The following MAP3K21 variants were observed in gnomAD, a reference collection of about 807,000 sequenced individuals.
MAP3K21 encodes the protein mitogen-activated protein kinase kinase kinase MLK4.
MAP3K21 carries 63 observed loss-of-function variants against 86.1 expected under a neutral mutation model. The ratio of observed to expected loss-of-function variants is 0.73; its 90% CI spans 0.60 to 0.90. MAP3K21 has a LOEUF of 0.90. Ranked by LOEUF, MAP3K21 falls within the 40% of genes least tolerant of loss-of-function variation. MAP3K21 has a pLI of 0.00. For synonymous variants in MAP3K21, 558 were observed against 564.8 expected (o/e 0.99, Z 0.17); for missense variants, 1,220 against 1,367.7 (o/e 0.89, Z 1.70).
chr1:233,338,420 A>T (rs928193791), intron 1 of MAP3K21, among the ~76,000 whole-genome samples: 13 of 152,234 alleles, frequency 8.5e-5, no homozygotes, highest in African/African-American at 3.1e-4. Context: ...AGTGAGTGAG[A>T]CAGACATTAA....
At chr1:233,351,769 T>A (rs992639564) in intron 2 of MAP3K21, among the ~76,000 whole-genome samples, 4 of 152,132 alleles carry the variant, frequency 2.6e-5, no homozygotes, top group Non-Finnish European at 4.4e-5. Context: ...TTTCACATTT[T>A]AAAAAAAGTT....
At chr1:233,381,623 T>C (rs115018711) in intron 9 of MAP3K21, among the ~76,000 whole-genome samples, 7,663 of 152,208 alleles carry the variant, frequency 0.05, 584 homozygotes, top group African/African-American at 0.17. Context: ...TAAATTGGTT[T>C]ATTATCTTTC....
intron 2 of MAP3K21, among the ~76,000 whole-genome samples, chr1:233,348,229 A>T (rs570819011): frequency 3.2e-4 from 49 of 152,302 alleles, no homozygotes; most frequent in African/African-American, 1.2e-3. Context: ...ATTTTATGTC[A>T]GTGGAATCTT....
intron 3 of MAP3K21, 48 bp from the exon 4 acceptor site, chr1:233,354,788 C>G (rs755287894): frequency 6.6e-7 from 1 of 1,521,698 alleles, no homozygotes; most frequent in South Asian, 1.1e-5. Flanking sequence ...CTTAGCAACT[C>G]TAAACTGCGT....
intron 5 of MAP3K21, among the ~76,000 whole-genome samples, chr1:233,364,289 G>A (rs1190635228): frequency 6.6e-6 from 1 of 152,120 alleles, no homozygotes; most frequent in African/African-American, 2.4e-5. Context: ...ATTTATTTAT[G>A]ATGAGGCTTC....
chr1:233,381,293 T>C (rs1386710355), intron 9 of MAP3K21, among the ~76,000 whole-genome samples: 1 of 152,192 alleles, frequency 6.6e-6, no homozygotes, highest in Non-Finnish European at 1.5e-5. Flanking sequence ...ACAATATACA[T>C]ACCTAATACT....
intron 5 of MAP3K21, among the ~76,000 whole-genome samples, chr1:233,362,971 T>A (rs1663493967): frequency 6.6e-6 from 1 of 152,146 alleles, no homozygotes; most frequent in Non-Finnish European, 1.5e-5. Context: ...TCAAAATATA[T>A]CGATCAATAT....
intron 1 of MAP3K21, among the ~76,000 whole-genome samples, chr1:233,344,358 G>A (rs1157570911): frequency 6.6e-6 from 1 of 152,126 alleles, no homozygotes; most frequent in East Asian, 1.9e-4. Flanking sequence ...AACCAAAACA[G>A]CATGGTACTG....
intron 1 of MAP3K21, 22 bp from the exon 2 acceptor site, chr1:233,346,420 C>G (rs1194722638): frequency 2.5e-5 from 39 of 1,559,654 alleles, no homozygotes; most frequent in Non-Finnish European, 3.4e-5. Flanking sequence ...ATGCAAATGT[C>G]TCACTTTTGA....
chr1:233,376,512 T>A lies in MAP3K21; in HGVS notation c.1909T>A (p.Phe637Ile), dbSNP rs1162776349. The A allele has an allele frequency of 2.5e-6, 4 of 1,612,204 alleles. No individual in the cohort carries two copies. Among genetic ancestry groups the A allele is most frequent in the Non-Finnish European group, 3.4e-6 (4 of 1,178,658 alleles). ...GAAAACCATGCCCTTGGCTTCATTG[T>A]TTGTGGACCAGCCAGGTAAATGTGT... ...NQKTMPLASL[F>I]VDQPGSCEEP... Residue 637 changes from phenylalanine (F) to isoleucine (I), a missense_variant, in exon 8 of 10, where the codon TTT becomes ATT. Physicochemically the swap from Phe to Ile is conservative, Grantham distance 21. Coordinates refer to ENST00000366624, the MANE Select transcript of MAP3K21 (RefSeq NM_032435.3).
chr1:233,328,705 C>T lies in MAP3K21; in HGVS notation c.677C>T (p.Pro226Leu), dbSNP rs1215015571. ...NAAPDPRAPG[P>L]RRARRIPPHV... ...GCCCCGGACCCGCGCGCGCCCGGCCCCCGCCGCGCGCGCCGCATCCCTCCG... is the reference window on the plus strand; with the variant it reads ...GCCCCGGACCCGCGCGCGCCCGGCCTCCGCCGCGCGCGCCGCATCCCTCCG... The change falls in exon 1 of 10, where the codon CCC (proline) becomes CTC (leucine). Residue 226 changes from proline to leucine, a missense_variant. Physicochemically the swap from Pro to Leu is moderately conservative, Grantham distance 98. Transcript: ENST00000366624. This position sits in a 1 kb window ranked among gnomAD's most constrained non-coding sequence, Gnocchi z 8.7. 15 of 1,383,356 alleles carry T rather than the reference C, an allele frequency of 1.1e-5. No homozygotes were observed. Among genetic ancestry groups the T allele is most frequent in the South Asian group, 3.4e-5 (2 of 58,068 alleles). The allele number at this position is 1,383,356 out of a possible 1,614,324, so 85.7% of individuals were successfully genotyped here.
chr1:233,334,352 A>G (rs1662873738), intron 1 of MAP3K21, among the ~76,000 whole-genome samples: 1 of 151,972 alleles, frequency 6.6e-6, no homozygotes, highest in Non-Finnish European at 1.5e-5. Flanking sequence ...TTTGAATATC[A>G]GTGTCCTCAT....
intron 5 of MAP3K21, among the ~76,000 whole-genome samples, chr1:233,364,895 T>C (rs982542614): frequency 6.6e-6 from 1 of 152,162 alleles, no homozygotes; most frequent in Non-Finnish European, 1.5e-5. Context: ...GCCCACAAGA[T>C]GGCACTACAT....
At chr1:233,348,723 A>G (rs952844031) in intron 2 of MAP3K21, among the ~76,000 whole-genome samples, 2 of 152,100 alleles carry the variant, frequency 1.3e-5, no homozygotes, top group Non-Finnish European at 2.9e-5. Context: ...GGTTAAAATT[A>G]CAATTTTAGG....
rs762690163 is a variant in MAP3K21, at chr1:233,379,632, A to ACAC, written c.2626_2627insCAC (p.Asn876delinsThrHis). 2 of 1,614,068 alleles carry ACAC rather than the reference A, an allele frequency of 1.2e-6. No individual in the cohort carries two copies. The highest frequency in any genetic ancestry group is 1.7e-6 in the Non-Finnish European group (2 of 1,180,018). On this transcript the variant is annotated protein_altering_variant, in exon 9 of 10. Transcript: ENST00000366624. ...TTCCTTCCTACAGCAGACATGTGGG[A>ACAC]ATGTACCTTACTGTGCTTCTTCAAA...
intron 4 of MAP3K21, among the ~76,000 whole-genome samples, chr1:233,358,540 A>G (rs922147212): frequency 6.6e-6 from 1 of 151,226 alleles, no homozygotes; most frequent in Admixed American, 6.6e-5. Flanking sequence ...TTTAATTACA[A>G]AAATGAAAAA....
chr1:233,380,125 T>C (rs576036922), intron 9 of MAP3K21, among the ~76,000 whole-genome samples: 2 of 152,322 alleles, frequency 1.3e-5, no homozygotes, highest in Non-Finnish European at 2.9e-5. Flanking sequence ...CTGTTGGGAC[T>C]GTGTGTAGCA....
intron 1 of MAP3K21, among the ~76,000 whole-genome samples, chr1:233,329,699 G>T (rs1028169826): frequency 2.6e-5 from 4 of 151,972 alleles, no homozygotes; most frequent in Non-Finnish European, 5.9e-5. Context: ...TTTATTATTG[G>T]TTCAATGGCT....
chr1:233,332,376 G>A (rs770261704), intron 1 of MAP3K21, among the ~76,000 whole-genome samples: 20 of 152,054 alleles, frequency 1.3e-4, no homozygotes, highest in African/African-American at 1.7e-4. Context: ...GAAGGACCAC[G>A]AATTCGTCAA....
Sources: allele counts gnomAD v4.1 joint callset (sites outside exome capture counted in the v4.1 genomes callset), GRCh38; gene constraint gnomAD v4.1.1; non-coding constraint Gnocchi (gnomAD v3.1); transcripts MANE v1.5; gene names NCBI Gene and HGNC (gene_info 2026-07-23, HGNC 2026-07-21).